Variants in USH2A observed in about 807,000 individuals in gnomAD.
USH2A encodes the protein usherin, also known as Usher syndrome 2A (autosomal recessive, mild).
Under a neutral mutation model 538.9 loss-of-function variants are expected in USH2A, and 443 were observed. That is an observed-to-expected ratio of 0.82 (90% CI 0.76 to 0.89). USH2A has a LOEUF of 0.89. Ranked by LOEUF, USH2A falls within the 40% of genes least tolerant of loss-of-function variation. The pLI, the probability that USH2A is intolerant of heterozygous loss-of-function variation, is 0.00. For synonymous variants in USH2A, 2,413 were observed against 2,273.5 expected (o/e 1.06, Z -1.75); for missense variants, 6,633 against 6,324.8 (o/e 1.05, Z -1.65).
rs530880846 is a variant in USH2A at position 215,677,656 on chromosome 1, C to G, written c.12295-2040G>C. 5.9e-5 allele frequency among the ~76,000 whole-genome samples: 9 copies of G among 152,274 alleles called. No individual in the cohort carries two copies. The South Asian group carries it at 1.9e-3, about 32-fold the overall frequency. Reference sequence around the variant, plus strand: ...GCATATTTTCTCTTCTCTTTTTGGACACTCCACTCATGCACTTTTCCTTCT... The same window carrying G: ...GCATATTTTCTCTTCTCTTTTTGGAGACTCCACTCATGCACTTTTCCTTCT... On this transcript the variant is annotated intron_variant, in intron 62 of 71. Coordinates refer to ENST00000307340, the MANE Select transcript of USH2A (RefSeq NM_206933.4).
intron 48 of USH2A, among the ~76,000 whole-genome samples, chr1:215,815,401 G>A (rs566300560): frequency 6.0e-4 from 59 of 98,416 alleles, no homozygotes; most frequent in African/African-American, 2.5e-3. Flanking sequence ...AAGGTGACCC[G>A]TATGATTTTT....
chr1:215,998,923 G>A lies in USH2A; in HGVS notation c.6621C>T (p.Tyr2207=), dbSNP rs771072859. 15 of 1,612,998 alleles carry A rather than the reference G, an allele frequency of 9.3e-6. No individual in the cohort carries two copies. Among genetic ancestry groups the A allele is most frequent in the Middle Eastern group, 1.6e-4 (1 of 6,076 alleles). Residue 2207 remains tyrosine, a synonymous_variant, in exon 34 of 72, where the codon TAC becomes TAT. Coordinates refer to ENST00000307340, the MANE Select transcript of USH2A (RefSeq NM_206933.4). ...TELFQDHMLQ[Y]VLPGNKYLIK... ...TGAGATATTTATTACCAGGTAAAAC[G>A]TATTGTAGCATATGATCCTGGAAAA... is the stretch of plus-strand genomic sequence containing the variant.
chr1:215,712,427 C>T (rs1356945838), intron 61 of USH2A, among the ~76,000 whole-genome samples: 1 of 152,164 alleles, frequency 6.6e-6, no homozygotes, highest in Non-Finnish European at 1.5e-5. Flanking sequence ...GTCAGCAGCA[C>T]TGTCGTTTTT....
chr1:216,177,808 T>C (rs1482379446), intron 20 of USH2A, among the ~76,000 whole-genome samples: 1 of 152,134 alleles, frequency 6.6e-6, no homozygotes, highest in Admixed American at 6.5e-5. Flanking sequence ...CCTTAAACAG[T>C]TGAGTTTGTG....
intron 60 of USH2A, among the ~76,000 whole-genome samples, chr1:215,732,839 C>T (rs1010136500): frequency 2.0e-5 from 3 of 151,998 alleles, no homozygotes; most frequent in African/African-American, 7.2e-5. Context: ...CCACACCTGG[C>T]CTCTCCTTTT....
intron 64 of USH2A, among the ~76,000 whole-genome samples, chr1:215,664,438 T>TAAAGCTA (rs939137385): frequency 1.3e-5 from 2 of 152,224 alleles, no homozygotes; most frequent in African/African-American, 2.4e-5. Context: ...CAACACAACT[T>TAAAGCTA]AAAGCTAAAT....
At chr1:215,934,985 C>T (rs1450891534) in intron 37 of USH2A, among the ~76,000 whole-genome samples, 190 bp from the exon 38 acceptor site, 1 of 151,976 alleles carries the variant, frequency 6.6e-6, no homozygotes, top group Non-Finnish European at 1.5e-5. Flanking sequence ...AACAAAAGTG[C>T]TATCTGAGTT....
At chr1:216,241,098 A>G (rs754015620) in intron 13 of USH2A, among the ~76,000 whole-genome samples, 1 of 152,228 alleles carries the variant, frequency 6.6e-6, no homozygotes, top group Non-Finnish European at 1.5e-5. Context: ...CAGTAAATTT[A>G]TATAGTCATA....
Position 216,325,484 on chromosome 1 carries a change from T to C in USH2A, c.964A>G (p.Asn322Asp). 6.2e-7 allele frequency: 1 copy of C among 1,613,842 alleles called. No individual in the cohort carries two copies. Among genetic ancestry groups the C allele is most frequent in the Non-Finnish European group, 8.5e-7 (1 of 1,179,918 alleles). The change falls in exon 6 of 72, where the codon AAT becomes GAT. Residue 322 changes from asparagine to aspartate, a missense_variant. By Grantham distance (23) the Asn-to-Asp change is conservative. Coordinates refer to ENST00000307340, the MANE Select transcript of USH2A (RefSeq NM_206933.4). The stretch of plus-strand genomic sequence containing the variant: ...TTATCAGCTGTGTCTCCTGCATCAT[T>C]AGGAATGCAGTACCGCTGTGCCAAA... Reference protein sequence around the residue: ...HPLAQRYCIPNDAGDTADNRV... With the variant: ...HPLAQRYCIPDDAGDTADNRV...
At chr1:215,841,516 C>T (rs1308512080) in intron 46 of USH2A, among the ~76,000 whole-genome samples, 1 of 152,084 alleles carries the variant, frequency 6.6e-6, no homozygotes, top group Non-Finnish European at 1.5e-5. Context: ...AACTGGATCC[C>T]TTCCTTACAT....
intron 29 of USH2A, among the ~76,000 whole-genome samples, chr1:216,070,754 C>T (rs1030276158): frequency 6.7e-5 from 10 of 149,258 alleles, no homozygotes; most frequent in Admixed American, 2.7e-4. Context: ...ACTTGAATGC[C>T]TAGACCCATT....
chr1:215,788,262 T>C (rs1247960093), intron 51 of USH2A, among the ~76,000 whole-genome samples: 1 of 152,154 alleles, frequency 6.6e-6, no homozygotes, highest in Non-Finnish European at 1.5e-5. Context: ...CTTTTCTCTC[T>C]GGGAACATGG....
intron 62 of USH2A, among the ~76,000 whole-genome samples, chr1:215,678,659 G>T (rs1274098822): frequency 6.6e-6 from 1 of 151,910 alleles, no homozygotes; most frequent in Non-Finnish European, 1.5e-5. Context: ...CTAGCTTATT[G>T]TTTGCTTTTC....
intron 9 of USH2A, among the ~76,000 whole-genome samples, chr1:216,292,679 G>A (rs1359690797): frequency 6.6e-6 from 1 of 152,014 alleles, no homozygotes; most frequent in Admixed American, 6.6e-5. Context: ...TTGAAAAAGA[G>A]ATACAACGTG....
In USH2A at chr1:216,000,388, A is replaced by G; in HGVS notation, c.6485+15T>C. Reference sequence around the variant, plus strand: ...GCATGAACCAGCATGTGAGAGAGACAACATTTCTACTTACTGTATGTGTAT... The same window carrying G: ...GCATGAACCAGCATGTGAGAGAGACGACATTTCTACTTACTGTATGTGTAT... On this transcript the variant is annotated intron_variant, in intron 33 of 71. Coordinates refer to ENST00000307340, the MANE Select transcript of USH2A (RefSeq NM_206933.4). 6.2e-7 allele frequency: 1 copy of G among 1,613,346 alleles called. No individual in the cohort carries two copies. The highest frequency in any genetic ancestry group is 2.2e-5 in the East Asian group (1 of 44,840).
intron 32 of USH2A, among the ~76,000 whole-genome samples, chr1:216,014,664 A>C (rs1342661204): frequency 6.6e-6 from 1 of 152,244 alleles, no homozygotes; most frequent in Non-Finnish European, 1.5e-5. Context: ...GATCAAACAC[A>C]GGGAGTTGTG....
chr1:216,234,442 T>A (rs1015593263), intron 13 of USH2A, among the ~76,000 whole-genome samples: 1 of 152,140 alleles, frequency 6.6e-6, no homozygotes, highest in African/African-American at 2.4e-5. Context: ...TATATACATA[T>A]CCAGAAATAG....
intron 4 of USH2A, among the ~76,000 whole-genome samples, chr1:216,330,011 T>C (rs1254618297): frequency 1.3e-5 from 2 of 152,086 alleles, no homozygotes; most frequent in African/African-American, 4.8e-5. Flanking sequence ...AGAACCCAGA[T>C]CATAACAAAC....
At chr1:216,057,928 C>A (rs2031035361) in intron 30 of USH2A, among the ~76,000 whole-genome samples, 1 of 152,204 alleles carries the variant, frequency 6.6e-6, no homozygotes, top group African/African-American at 2.4e-5. Flanking sequence ...ATAAAGACAG[C>A]ATTTTTCAAC....
Sources: gnomAD v4.1 joint callset for allele counts (sites outside exome capture counted in the v4.1 genomes callset) on GRCh38, gnomAD v4.1.1 for gene constraint, MANE v1.5 for transcripts, NCBI Gene and HGNC (gene_info 2026-07-23, HGNC 2026-07-21) for gene names.